The following MELTF variants were observed in gnomAD, a reference collection of about 807,000 sequenced individuals.
The protein encoded by MELTF is melanotransferrin.
Under a neutral mutation model 83.7 loss-of-function variants are expected in MELTF, and 67 were observed. The observed-to-expected ratio is 0.80, with a 90% CI of 0.66 to 0.98. The LOEUF is 0.98. Ranked by LOEUF, MELTF falls within the 50% of genes least tolerant of loss-of-function variation. The probability of loss-of-function intolerance (pLI) is 0.00; values close to 1 mark genes in which losing one functional copy is unlikely to be tolerated. For synonymous variants in MELTF, 462 were observed against 447.6 expected (o/e 1.03, Z -0.41); for missense variants, 1,002 against 1,035.6 (o/e 0.97, Z 0.44).
At chr3:197,019,528 G>A in intron 6 of MELTF, 1 of 1,533,364 alleles carries the variant, frequency 6.5e-7, no homozygotes, top group Non-Finnish European at 8.8e-7. Flanking sequence ...AGTTGAGGCT[G>A]GGGGTTTGAG....
chr3:197,005,372 A>G (rs1395934060), intron 14 of MELTF, among the ~76,000 whole-genome samples: 3 of 152,040 alleles, frequency 2.0e-5, no homozygotes, highest in Non-Finnish European at 2.9e-5. Flanking sequence ...TGTTAGAAAC[A>G]CAAGTCAAAA....
At chr3:197,010,213 G>A (rs1476926249) in intron 10 of MELTF, among the ~76,000 whole-genome samples, 1 of 152,190 alleles carries the variant, frequency 6.6e-6, no homozygotes, top group Non-Finnish European at 1.5e-5. Flanking sequence ...GGCCTCTGAG[G>A]TCACCAGTAA....
Position 197,015,508 on chromosome 3 carries a change from G to C in MELTF, c.1090C>G (p.Pro364Ala), listed in dbSNP as rs776054154. The C allele has an allele frequency of 1.2e-6, 2 of 1,610,870 alleles. No homozygotes were observed. Among genetic ancestry groups the C allele is most frequent in the Non-Finnish European group, 1.7e-6 (2 of 1,178,712 alleles). Residue 364 changes from proline (P) to alanine (A), a missense_variant, in exon 9 of 16, where the codon CCC becomes GCC. Physicochemically the swap from Pro to Ala is conservative, Grantham distance 27. Transcript: ENST00000296350. ...GAGAGCACACACCAGCGCAGGTAGG[G>C]GGGCAGCCCTGGGGTGGGGCAAGCA... is the stretch of plus-strand genomic sequence containing the variant. ...GLLCDPNRLPPYLRWCVLSTP... is the reference protein window; with the variant it reads ...GLLCDPNRLPAYLRWCVLSTP...
Position 197,029,722 on chromosome 3 carries a change from G to A in MELTF, c.-20C>T. 1.6e-6 allele frequency: 2 copies of A among 1,234,248 alleles called. No individual in the cohort carries two copies. Among genetic ancestry groups the A allele is most frequent in the African/African-American group, 1.5e-5 (1 of 64,580 alleles). 76.5% of individuals were successfully genotyped at this position (1,234,248 alleles called of 1,614,324 possible). A position where few individuals can be genotyped will look rare whatever the true frequency, so the allele number is the denominator to read the frequency against. On this transcript the variant is annotated 5_prime_UTR_variant, in exon 1 of 16. Transcript: ENST00000296350. This position sits in a 1 kb window ranked among gnomAD's most constrained non-coding sequence, Gnocchi z 6.5. The stretch of plus-strand genomic sequence containing the variant: ...CCGCATGGCGCCGTCGGGGCTGGCT[G>A]GGGCCGGGCTGGGGCTGGGTCCGGG...
intron 1 of MELTF, chr3:197,028,233 G>A (rs931880201): frequency 3.5e-6 from 1 of 288,720 alleles, no homozygotes. Context: ...AGGGAGTCTC[G>A]GCAGGCCCTG....
rs531875479 is a variant in MELTF, at chr3:197,016,651, C to A, written c.901-282G>T. 5.3e-5 allele frequency among the ~76,000 whole-genome samples: 8 copies of A among 152,342 alleles called. No homozygotes were observed. In the South Asian group the frequency reaches 1.7e-3, roughly 32 times the overall value. ...GCATGGGACGGTCCTGAGGACACGC[C>A]GTGGGGCTGGTGGTAGCAGCCTGGA... On this transcript the variant is annotated intron_variant, in intron 7 of 15. Coordinates refer to ENST00000296350, the MANE Select transcript of MELTF (RefSeq NM_005929.6).
At chr3:197,023,159 A>G (rs753356552) in intron 4 of MELTF, 46 bp from the exon 5 acceptor site, 7 of 1,600,062 alleles carry the variant, frequency 4.4e-6, no homozygotes, top group Admixed American at 1.7e-5. Flanking sequence ...CTTTCTTCAG[A>G]GCCAAGCCAA....
rs1380963175 is a variant in MELTF, at chr3:197,022,235, A to G, written c.644+722T>C. On this transcript the variant is annotated intron_variant, in intron 5 of 15. Coordinates refer to ENST00000296350, the MANE Select transcript of MELTF (RefSeq NM_005929.6). The surrounding 1 kb of genome is among the most constrained non-coding windows in gnomAD (Gnocchi z 5.1). Reference sequence around the variant, plus strand: ...AGAAAATGCACAGGGATTAGAGCAGATCGGGGCGGGCGACATCAGGAGAGG... The same window carrying G: ...AGAAAATGCACAGGGATTAGAGCAGGTCGGGGCGGGCGACATCAGGAGAGG... Among the ~76,000 whole-genome samples, 2 of 152,114 alleles carry G rather than the reference A, an allele frequency of 1.3e-5. No homozygotes were observed. Among genetic ancestry groups the G allele is most frequent in the African/African-American group, 4.8e-5 (2 of 41,400 alleles).
rs148014773 is a variant in MELTF at position 197,016,794 on chromosome 3, G to A, written c.900+309C>T. 4.5e-4 allele frequency among the ~76,000 whole-genome samples: 65 copies of A among 145,756 alleles called. 1 individual carries two copies. In the East Asian group the frequency reaches 0.011, roughly 24 times the overall value. On this transcript the variant is annotated intron_variant, in intron 7 of 15. Transcript: ENST00000296350. The stretch of plus-strand genomic sequence containing the variant: ...TAATTAATGGTGTGCTTTGAAAGGC[G>A]CTGGTTTTGTTACTTGGTTTATTTG...
intron 1 of MELTF, chr3:197,028,291 G>A (rs542192919): frequency 6.2e-5 from 12 of 193,522 alleles, no homozygotes; most frequent in Non-Finnish European, 1.2e-4. Flanking sequence ...GAGGGTGCTC[G>A]TGTAGGTTCC....
In MELTF at chr3:197,008,577, C is replaced by G. The variant is rs1156536649; in HGVS notation, c.1750+80G>C. ...TCTGAGCTGCTGCTTGGCCCCAGCC[C>G]AGCATGGTGTCTGGATGGTGCTGAA... is the stretch of plus-strand genomic sequence containing the variant. On this transcript the variant is annotated intron_variant, in intron 13 of 15. Coordinates refer to ENST00000296350, the MANE Select transcript of MELTF (RefSeq NM_005929.6). The surrounding 1 kb of genome is among the most constrained non-coding windows in gnomAD (Gnocchi z 5.4). 4 of 1,477,582 alleles carry G rather than the reference C, an allele frequency of 2.7e-6. No individual in the cohort carries two copies. Among genetic ancestry groups the G allele is most frequent in the Non-Finnish European group, 3.7e-6 (4 of 1,076,152 alleles). The allele number at this position is 1,477,582 out of a possible 1,614,324, so 91.5% of individuals were successfully genotyped here. A position where few individuals can be genotyped will look rare whatever the true frequency, so the allele number is the denominator to read the frequency against.
chr3:197,007,338 C>T lies in MELTF; in HGVS notation c.1751-602G>A, dbSNP rs1023239059. ...TTCTAAAGCAGGCGGTCTCGGGCTG[C>T]CTGAGAAAATGCTGCCCTCAGGAAT... On this transcript the variant is annotated intron_variant, in intron 13 of 15. Coordinates refer to ENST00000296350, the MANE Select transcript of MELTF (RefSeq NM_005929.6). This position sits in a 1 kb window ranked among gnomAD's most constrained non-coding sequence, Gnocchi z 4.3. 6.6e-6 allele frequency among the ~76,000 whole-genome samples: 1 copy of T among 152,186 alleles called. No homozygotes were observed. Among genetic ancestry groups the T allele is most frequent in the Non-Finnish European group, 1.5e-5 (1 of 68,030 alleles).
intron 4 of MELTF, among the ~76,000 whole-genome samples, chr3:197,023,634 G>A (rs1047411281): frequency 2.0e-5 from 3 of 152,256 alleles, no homozygotes; most frequent in African/African-American, 4.8e-5. Context: ...CCTGTGCCGC[G>A]CGAGGAGGCC....
At position 197,010,812 on chromosome 3, in the gene MELTF, A is replaced by G. The variant is rs952915657; in HGVS notation, c.1234-18T>C. 6.2e-7 allele frequency: 1 copy of G among 1,611,856 alleles called. No homozygotes were observed. ...TGCTCAGCCTGAAGGGAATAGAAGA[A>G]GCCACTGGGCCGGGGTGGGCCCAGG... is the stretch of plus-strand genomic sequence containing the variant. On this transcript the variant is annotated intron_variant, in intron 9 of 15. Transcript: ENST00000296350.
chr3:197,026,166 C>T (rs1719846322), intron 3 of MELTF: 1 of 172,236 alleles, frequency 5.8e-6, no homozygotes, highest in African/African-American at 2.4e-5. Flanking sequence ...TTACTATCCC[C>T]ATTATACAGT....
chr3:197,013,335 G>T (rs1488032400), intron 9 of MELTF, among the ~76,000 whole-genome samples: 1 of 152,172 alleles, frequency 6.6e-6, no homozygotes, highest in Non-Finnish European at 1.5e-5. Context: ...AATGAACGGG[G>T]CCCTAAACTA....
Position 197,015,401 on chromosome 3 carries a change from T to C in MELTF, c.1197A>G (p.Ser399=). ...CCATGCAGTGTTGGGGGGACTTGGC[T>C]GACACGCACTGGATCTCTGGCTTGA... The part of the protein sequence containing the change: ...QRLKPEIQCV[S]AKSPQHCMER... The change falls in exon 9 of 16, where the codon TCA becomes TCG. Residue 399 remains serine (S), a synonymous_variant. Coordinates refer to ENST00000296350, the MANE Select transcript of MELTF (RefSeq NM_005929.6). 1 of 1,582,758 alleles carries C rather than the reference T, an allele frequency of 6.3e-7. No individual in the cohort carries two copies. The highest frequency in any genetic ancestry group is 1.3e-5 in the African/African-American group (1 of 74,298).
chr3:197,006,549 C>T lies in MELTF; in HGVS notation c.1938G>A (p.Gln646=). The change falls in exon 14 of 16, where the codon CAG becomes CAA. Residue 646 remains glutamine, a splice_region_variant and synonymous_variant. Coordinates refer to ENST00000296350, the MANE Select transcript of MELTF (RefSeq NM_005929.6). This position sits in a 1 kb window ranked among gnomAD's most constrained non-coding sequence, Gnocchi z 5.4. ...ATGAGGTAGCCCCACCCTGGCTCAC[C>T]TGGGCCTTGTCCAGCAGTCCATACA... ...FTVYGLLDKA[Q]DLFGDDHNKN... 3 of 1,611,850 alleles carry T rather than the reference C, an allele frequency of 1.9e-6. No homozygotes were observed. The highest frequency in any genetic ancestry group is 2.5e-6 in the Non-Finnish European group (3 of 1,178,978).
chr3:197,009,025 G>A, intron 11 of MELTF, 60 bp from the exon 12 acceptor site: 2 of 1,595,206 alleles, frequency 1.3e-6, no homozygotes, highest in South Asian at 1.1e-5. Flanking sequence ...GGAGGGAGCT[G>A]GGCGGGCCGC....
Sources: gnomAD v4.1 joint callset for allele counts (sites outside exome capture counted in the v4.1 genomes callset) on GRCh38, gnomAD v4.1.1 for gene constraint, Gnocchi (gnomAD v3.1) non-coding constraint, MANE v1.5 for transcripts, NCBI Gene and HGNC (gene_info 2026-07-23, HGNC 2026-07-21) for gene names.